MEIOB: variants seen among roughly 807,000 people sequenced by gnomAD.
MEIOB encodes meiosis-specific with OB domain-containing protein.
Under a neutral mutation model 53.1 loss-of-function variants are expected in MEIOB, and 50 were observed. The ratio of observed to expected loss-of-function variants is 0.94; its 90% CI spans 0.75 to 1.19. The LOEUF (loss-of-function observed/expected upper bound fraction) is 1.19. MEIOB is among the 50% of genes most tolerant of loss of function. The pLI, the probability that MEIOB is intolerant of heterozygous loss-of-function variation, is 0.00. For missense variants in MEIOB, 551 were observed against 550.8 expected, an observed-to-expected ratio of 1.00 and a Z score of 0.00; for synonymous variants, 192 against 182.5, an observed-to-expected ratio of 1.05 and a Z score of -0.42.
chr16:1,864,894 A>T (rs773185526), intron 3 of MEIOB, among the ~76,000 whole-genome samples: 1 of 152,218 alleles, frequency 6.6e-6, no homozygotes, highest in Non-Finnish European at 1.5e-5. Context: ...AAAAGGAGAT[A>T]TAGACTTCCT....
intron 6 of MEIOB, among the ~76,000 whole-genome samples, chr16:1,856,161 ATT>A (rs71145499): frequency 7.0e-6 from 1 of 143,370 alleles, no homozygotes; most frequent in Non-Finnish European, 1.5e-5. Context: ...TGCCCAGCTA[ATT>A]TTTTTTTTTT....
intron 11 of MEIOB, among the ~76,000 whole-genome samples, chr16:1,840,391 C>T (rs80080927): frequency 0.019 from 2,826 of 152,024 alleles, 68 homozygotes; most frequent in African/African-American, 0.043. Flanking sequence ...CTAATGAGAA[C>T]ACACACACAC....
At position 1,862,134 on chromosome 16, in the gene MEIOB, C is replaced by T; in HGVS notation, c.128-18G>A. On this transcript the variant is annotated intron_variant, in intron 3 of 13. Transcript: ENST00000325962. ...TCCAATATCTAAGGGAAAACCAATG[C>T]TTTTATTTTTCAAATGAAGAGTTTC... 1 of 1,544,590 alleles carries T rather than the reference C, an allele frequency of 6.5e-7. No individual in the cohort carries two copies. The highest frequency in any genetic ancestry group is 8.7e-7 in the Non-Finnish European group (1 of 1,143,334).
intron 13 of MEIOB, among the ~76,000 whole-genome samples, chr16:1,836,926 T>A (rs1307879988): frequency 6.6e-6 from 1 of 152,160 alleles, no homozygotes; most frequent in Non-Finnish European, 1.5e-5. Context: ...GGGAGCACAT[T>A]AACTTGCGGG....
chr16:1,856,987 A>G (rs973627506), intron 6 of MEIOB, among the ~76,000 whole-genome samples: 11 of 151,820 alleles, frequency 7.2e-5, no homozygotes, highest in Non-Finnish European at 1.3e-4. Context: ...CTGGTCTTGA[A>G]CTGGGCTCAA....
chr16:1,851,941 T>G (rs1899181493), intron 9 of MEIOB, among the ~76,000 whole-genome samples: 1 of 152,182 alleles, frequency 6.6e-6, no homozygotes, highest in African/African-American at 2.4e-5. Context: ...ACCCTGGGAA[T>G]GCTCACAGGC....
intron 11 of MEIOB, chr16:1,839,705 C>G: frequency 2.7e-6 from 1 of 372,294 alleles, no homozygotes; most frequent in East Asian, 5.3e-5. Flanking sequence ...AGGTCCATCC[C>G]AGTCTCATTT....
At chr16:1,838,999 A>T (rs1405096546) in intron 12 of MEIOB, among the ~76,000 whole-genome samples, 1 of 152,184 alleles carries the variant, frequency 6.6e-6, no homozygotes, top group East Asian at 1.9e-4. Context: ...GCCCTAAAAC[A>T]TCATGTTTAT....
chr16:1,850,633 T>C lies in MEIOB; in HGVS notation c.778+2406A>G, dbSNP rs538673415. 4.7e-5 allele frequency among the ~76,000 whole-genome samples: 7 copies of C among 148,320 alleles called. No individual in the cohort carries two copies. In the South Asian group the frequency reaches 1.5e-3, roughly 32 times the overall value. On this transcript the variant is annotated intron_variant, in intron 9 of 13. Coordinates refer to ENST00000325962, the MANE Select transcript of MEIOB (RefSeq NM_001163560.3). ...ATAAGTTATTTCTAATAATAAACCA[T>C]ACATAGGCCAGGTGCAGTGGCTCAC...
chr16:1,869,516 C>G (rs1302328177), intron 1 of MEIOB, among the ~76,000 whole-genome samples: 2 of 151,948 alleles, frequency 1.3e-5, no homozygotes, highest in African/African-American at 4.8e-5. Flanking sequence ...GGTGCAATCT[C>G]AGCTCACTGC....
At chr16:1,846,856 G>A (rs1319360996) in intron 9 of MEIOB, among the ~76,000 whole-genome samples, 1 of 152,132 alleles carries the variant, frequency 6.6e-6, no homozygotes, top group Non-Finnish European at 1.5e-5. Flanking sequence ...TGCATGTGGG[G>A]CTTAAAACCT....
intron 1 of MEIOB, among the ~76,000 whole-genome samples, chr16:1,870,528 G>A (rs752642476): frequency 1.3e-5 from 2 of 152,322 alleles, no homozygotes; most frequent in South Asian, 4.1e-4. Context: ...TTGTAGTCGT[G>A]TGTTTTAACA....
At chr16:1,835,090 A>G (rs1035536426) in intron 13 of MEIOB, among the ~76,000 whole-genome samples, 1 of 152,082 alleles carries the variant, frequency 6.6e-6, no homozygotes, top group Non-Finnish European at 1.5e-5. Flanking sequence ...CCCTGTCTCT[A>G]CTAAAAATAT....
At chr16:1,867,023 C>T (rs1444040660) in intron 2 of MEIOB, among the ~76,000 whole-genome samples, 1 of 152,016 alleles carries the variant, frequency 6.6e-6, no homozygotes, top group Non-Finnish European at 1.5e-5. Flanking sequence ...TCTGAAGAGA[C>T]CATTATTAGC....
intron 11 of MEIOB, 141 bp from the exon 12 acceptor site, chr16:1,839,579 G>C: frequency 2.8e-6 from 2 of 705,462 alleles, no homozygotes; most frequent in Non-Finnish European, 4.5e-6. Flanking sequence ...CGGTCTACAA[G>C]ACAGTCGTAA....
intron 1 of MEIOB, among the ~76,000 whole-genome samples, chr16:1,869,086 T>C (rs1437982060): frequency 6.6e-6 from 1 of 152,128 alleles, no homozygotes; most frequent in Non-Finnish European, 1.5e-5. Flanking sequence ...TTGAGCACCA[T>C]GTAAATTTAG....
intron 10 of MEIOB, among the ~76,000 whole-genome samples, chr16:1,844,269 C>T (rs1364643837): frequency 6.6e-6 from 1 of 151,336 alleles, no homozygotes; most frequent in East Asian, 1.9e-4. Context: ...ATTACAGGTG[C>T]CCCCTACCAT....
Position 1,862,054 on chromosome 16 carries a change from T to G in MEIOB, c.190A>C (p.Asn64His), listed in dbSNP as rs1275099446. ...TCTTCATTGCCCCAGGAAGCTGCAT[T>G]TACAAAATGTGCTGGTGAATCCCGA... ...TIRDSPAHFV[N>H]AASWGNEDYI... The change falls in exon 4 of 14, where the codon AAT (asparagine) becomes CAT (histidine). Residue 64 changes from asparagine (N) to histidine (H), a missense_variant. Transcript: ENST00000325962. The G allele has an allele frequency of 1.3e-6, 2 of 1,551,438 alleles. No individual in the cohort carries two copies. The highest frequency in any genetic ancestry group is 1.2e-5 in the South Asian group (1 of 84,062).
At chr16:1,847,710 C>T (rs938782706) in intron 9 of MEIOB, among the ~76,000 whole-genome samples, 21 of 152,140 alleles carry the variant, frequency 1.4e-4, no homozygotes, top group African/African-American at 5.1e-4. Flanking sequence ...AAACAAAGTT[C>T]CCATATAAAT....
Sources: allele counts gnomAD v4.1 joint callset (sites outside exome capture counted in the v4.1 genomes callset), GRCh38; gene constraint gnomAD v4.1.1; transcripts MANE v1.5; gene names NCBI Gene and HGNC (gene_info 2026-07-23, HGNC 2026-07-21).